Variants in USP37 observed in about 807,000 individuals in gnomAD.
USP37 encodes the protein ubiquitin specific peptidase 37.
In USP37, 27 loss-of-function variants were observed where a neutral mutation model predicts 124.0. The ratio of observed to expected loss-of-function variants is 0.22; its 90% CI spans 0.16 to 0.30. The LOEUF is 0.30. USP37 is among the 10% of genes least tolerant of loss of function. The pLI is 1.00. For synonymous variants in USP37, 365 were observed against 388.0 expected (o/e 0.94, Z 0.70); for missense variants, 889 against 1,140.4 (o/e 0.78, Z 3.17).
At chr2:218,505,502 C>T (rs1181870268) in intron 11 of USP37, among the ~76,000 whole-genome samples, 1 of 152,116 alleles carries the variant, frequency 6.6e-6, no homozygotes, top group African/African-American at 2.4e-5. Flanking sequence ...TATAGTATTC[C>T]AAGTTCTTAT....
chr2:218,526,858 G>A (rs1574927467), intron 10 of USP37, among the ~76,000 whole-genome samples: 1 of 134,864 alleles, frequency 7.4e-6, no homozygotes, highest in Middle Eastern at 4.4e-3. Context: ...GCGCGATCTC[G>A]GCTCACTGCA....
rs1378361867 is a variant in USP37, at chr2:218,549,975, CATT to C, written c.329-69_329-67del. On this transcript the variant is annotated intron_variant, in intron 5 of 25. Coordinates refer to ENST00000258399, the MANE Select transcript of USP37 (RefSeq NM_020935.3). ...CACTCACTTTAACAAAAAGATTTATCATTATTATTTTTATATAATATTGAAGAA... is the reference window on the plus strand; with the variant it reads ...CACTCACTTTAACAAAAAGATTTATCATTATTTTTATATAATATTGAAGAA... 2.5e-6 allele frequency: 3 copies of C among 1,213,520 alleles called. No individual in the cohort carries two copies. In the South Asian group the frequency reaches 4.9e-5, roughly 20 times the overall value. 75.2% of individuals were successfully genotyped at this position (1,213,520 alleles called of 1,614,324 possible).
At chr2:218,482,942 T>C (rs1475740719) in intron 16 of USP37, among the ~76,000 whole-genome samples, 1 of 152,104 alleles carries the variant, frequency 6.6e-6, no homozygotes, top group Non-Finnish European at 1.5e-5. Context: ...AAGAACACTT[T>C]AAAAATTGAA....
chr2:218,492,447 A>C (rs62183671), intron 14 of USP37, among the ~76,000 whole-genome samples: 4,069 of 152,326 alleles, frequency 0.027, 78 homozygotes, highest in Non-Finnish European at 0.036. Context: ...AGGTTATACA[A>C]GTCACAGGCT....
In USP37 at chr2:218,451,454, G is replaced by A. The variant is rs897776658; in HGVS notation, c.*3476C>T. ...GAGTATCTACTGCAGTCATTTCAGA[G>A]GACAGAGAAGGAAAATATTTTAATT... On this transcript the variant is annotated 3_prime_UTR_variant, in exon 26 of 26. Coordinates refer to ENST00000258399, the MANE Select transcript of USP37 (RefSeq NM_020935.3). 6.6e-6 allele frequency: 1 copy of A among 152,110 alleles called. No homozygotes were observed. The highest frequency in any genetic ancestry group is 2.1e-4 in the South Asian group (1 of 4,828). 9.4% of individuals were successfully genotyped at this position (152,110 alleles called of 1,614,324 possible).
In USP37 at chr2:218,453,901, T is replaced by C. The variant is rs908131225; in HGVS notation, c.*1029A>G. 7 of 152,168 alleles carry C rather than the reference T, an allele frequency of 4.6e-5. No individual in the cohort carries two copies. The highest frequency in any genetic ancestry group is 1.7e-4 in the African/African-American group (7 of 41,446). The allele number at this position is 152,168 out of a possible 1,614,324, so 9.4% of individuals were successfully genotyped here. On this transcript the variant is annotated 3_prime_UTR_variant, in exon 26 of 26. Coordinates refer to ENST00000258399, the MANE Select transcript of USP37 (RefSeq NM_020935.3). The stretch of plus-strand genomic sequence containing the variant: ...TTTTAGCTTCAGTGGTCCAGAATTT[T>C]AGCTTTACCAGAAGAACACTCTTCT...
chr2:218,490,063 CAT>C (rs1691843958), intron 14 of USP37, among the ~76,000 whole-genome samples: 1 of 152,144 alleles, frequency 6.6e-6, no homozygotes, highest in South Asian at 2.1e-4. Context: ...AAAAATTCTA[CAT>C]GTTTGGCCAG....
chr2:218,484,481 G>A (rs995873296), intron 16 of USP37, among the ~76,000 whole-genome samples: 1 of 151,904 alleles, frequency 6.6e-6, no homozygotes, highest in African/African-American at 2.4e-5. Context: ...AATTAGCCAG[G>A]TGTGGTGGCA....
chr2:218,454,778 C>T lies in USP37; in HGVS notation c.*152G>A, dbSNP rs955145916. On this transcript the variant is annotated 3_prime_UTR_variant, in exon 26 of 26. Transcript: ENST00000258399. ...CCATAAAATAGCATGGAGCATTCTA[C>T]GTTACTCCAATTTTTGTCTTTTGGT... 1.3e-5 allele frequency: 19 copies of T among 1,431,446 alleles called. No homozygotes were observed. Among genetic ancestry groups the T allele is most frequent in the African/African-American group, 2.8e-5 (2 of 70,232 alleles). The allele number at this position is 1,431,446 out of a possible 1,614,324, so 88.7% of individuals were successfully genotyped here.
intron 11 of USP37, among the ~76,000 whole-genome samples, chr2:218,501,283 G>C (rs1479982243): frequency 6.6e-6 from 1 of 151,962 alleles, no homozygotes; most frequent in African/African-American, 2.4e-5. Flanking sequence ...CAAGCAATCT[G>C]CCTGCCTTGA....
intron 1 of USP37, among the ~76,000 whole-genome samples, chr2:218,566,265 AT>A (rs1693590456): frequency 6.6e-6 from 1 of 152,180 alleles, no homozygotes; most frequent in South Asian, 2.1e-4. Context: ...AAGGCCTTGA[AT>A]TGTAAAATAA....
At chr2:218,552,949 AT>A (rs1192621564) in intron 5 of USP37, among the ~76,000 whole-genome samples, 1 of 150,704 alleles carries the variant, frequency 6.6e-6, no homozygotes, top group African/African-American at 2.5e-5. Flanking sequence ...AAACAAATAA[AT>A]AAATAATAAA....
intron 13 of USP37, 112 bp downstream of exon 13, chr2:218,497,622 G>A (rs902361285): frequency 5.2e-6 from 7 of 1,338,570 alleles, no homozygotes; most frequent in Non-Finnish European, 7.1e-6. Flanking sequence ...TCAAACTCCT[G>A]ACCTCAGTGA....
At chr2:218,459,531 G>A (rs982035578) in intron 23 of USP37, among the ~76,000 whole-genome samples, 14 of 152,200 alleles carry the variant, frequency 9.2e-5, no homozygotes, top group African/African-American at 3.4e-4. Context: ...ATACATACAT[G>A]CCTTTACTGA....
At chr2:218,492,267 A>G (rs1420574777) in intron 14 of USP37, among the ~76,000 whole-genome samples, 3 of 152,146 alleles carry the variant, frequency 2.0e-5, no homozygotes, top group Admixed American at 2.0e-4. Flanking sequence ...TTCAAAATAG[A>G]GGAAATGGTA....
intron 11 of USP37, among the ~76,000 whole-genome samples, chr2:218,503,934 A>ACTT (rs1486809462): frequency 3.3e-5 from 5 of 152,216 alleles, no homozygotes; most frequent in Non-Finnish European, 7.3e-5. Context: ...TGGTCTAAAT[A>ACTT]CTTCAACCAT....
chr2:218,485,709 C>T lies in USP37; in HGVS notation c.1625G>A (p.Gly542Asp), dbSNP rs1691521709. The T allele has an allele frequency of 5.6e-6, 9 of 1,608,814 alleles. No individual in the cohort carries two copies. The highest frequency in any genetic ancestry group is 7.6e-6 in the Non-Finnish European group (9 of 1,178,848). The change falls in exon 16 of 26, where the codon GGT (glycine) becomes GAT (aspartate). Residue 542 changes from glycine (G) to aspartate (D), a missense_variant. Around this residue, in one of 3 missense-constraint regions of USP37, gnomAD observed 504 missense variants for 714.3 expected, o/e 0.71. Coordinates refer to ENST00000258399, the MANE Select transcript of USP37 (RefSeq NM_020935.3). ...EELEYSCEKC[G>D]GKCALVRHKF... ...GTGCCTGACAAGAGCACACTTCCCACCACACTTCTCACAAGAATACTCCAG... is the reference window on the plus strand; with the variant it reads ...GTGCCTGACAAGAGCACACTTCCCATCACACTTCTCACAAGAATACTCCAG...
intron 9 of USP37, among the ~76,000 whole-genome samples, chr2:218,530,740 T>C (rs1691276498): frequency 6.6e-6 from 1 of 152,170 alleles, no homozygotes; most frequent in Admixed American, 6.5e-5. Context: ...GGAAAAGCTC[T>C]TGACAGAAAT....
At position 218,546,973 on chromosome 2, in the gene USP37, A is replaced by C. The variant is rs1329646066; in HGVS notation, c.548T>G (p.Ile183Ser). ...TVAGSGIART[I>S]PSLTSTSTPL... is the part of the protein sequence containing the mutation. ...TGTTGAAGTAGATGTCAAAGAAGGA[A>C]TCGTCCGAGCTATTCCACTTCCTGC... The change falls in exon 7 of 26, where the codon ATT (isoleucine) becomes AGT (serine). Residue 183 changes from isoleucine to serine, a missense_variant. By Grantham distance (142) the Ile-to-Ser change is moderately radical (BLOSUM62 -2). Transcript: ENST00000258399. The C allele has an allele frequency of 6.2e-7, 1 of 1,612,918 alleles. No homozygotes were observed. The highest frequency in any genetic ancestry group is 8.5e-7 in the Non-Finnish European group (1 of 1,179,694).
Sources: gnomAD v4.1 joint callset for allele counts (sites outside exome capture counted in the v4.1 genomes callset) on GRCh38, gnomAD v4.1.1 for gene constraint, gnomAD v4.1.1 regional missense constraint, MANE v1.5 for transcripts, NCBI Gene and HGNC (gene_info 2026-07-23, HGNC 2026-07-21) for gene names.